The following MAML2 variants were observed in gnomAD, a reference collection of about 807,000 sequenced individuals.
MAML2 encodes the protein mastermind like transcriptional coactivator 2.
In MAML2, 22 loss-of-function variants were observed where a neutral mutation model predicts 96.1. That is an observed-to-expected ratio of 0.23 (90% confidence interval 0.16 to 0.33). The LOEUF (loss-of-function observed/expected upper bound fraction) is 0.33, where lower values mean the gene tolerates loss of function less well. MAML2 is among the 10% of genes least tolerant of loss of function. The pLI is 1.00. For missense variants in MAML2, 1,367 were observed against 1,392.4 expected, an observed-to-expected ratio of 0.98 and a Z score of 0.29; for synonymous variants, 561 against 521.3, an observed-to-expected ratio of 1.08 and a Z score of -1.04.
At chr11:96,162,651 C>T (rs1471786132) in intron 1 of MAML2, among the ~76,000 whole-genome samples, 16 of 144,792 alleles carry the variant, frequency 1.1e-4, no homozygotes, top group Admixed American at 1.0e-3. Flanking sequence ...GTGGAGGTTT[C>T]GGTGAGCCGA....
chr11:96,093,575 C>T (rs1357218127), intron 1 of MAML2, 58 bp from the exon 2 acceptor site: 2 of 1,219,672 alleles, frequency 1.6e-6, no homozygotes, highest in Non-Finnish European at 2.3e-6. Flanking sequence ...AATGATGCTT[C>T]TCATAAAAAG....
At chr11:96,162,591 A>G (rs994305730) in intron 1 of MAML2, among the ~76,000 whole-genome samples, 1 of 151,900 alleles carries the variant, frequency 6.6e-6, no homozygotes, top group South Asian at 2.1e-4. Flanking sequence ...CATGCCGGTA[A>G]TCCCAGCTAC....
intron 1 of MAML2, among the ~76,000 whole-genome samples, chr11:96,202,070 G>A (rs536317378): frequency 2.1e-4 from 30 of 145,898 alleles, no homozygotes; most frequent in Admixed American, 1.8e-3. Flanking sequence ...ATGGTGGCTC[G>A]CGCCTGTAAT....
rs530989512 is a variant in MAML2 at position 96,187,792 on chromosome 11, C to CAG, written c.514-94276_514-94275insCT. 7.8e-5 allele frequency among the ~76,000 whole-genome samples: 10 copies of CAG among 128,582 alleles called. 1 individual carries two copies. The highest frequency in any genetic ancestry group is 1.7e-4 in the Non-Finnish European group (10 of 60,112). The allele number at this position is 128,582 out of a possible 152,430, so 84.4% of individuals were successfully genotyped here. ...CTGGCGACAGAGTGAAACTCTGTCT[C>CAG]AAAAAAAAAAAAAAAGTTTTAAATA... On this transcript the variant is annotated intron_variant, in intron 1 of 4. Transcript: ENST00000524717.
intron 1 of MAML2, among the ~76,000 whole-genome samples, chr11:96,139,189 C>A (rs183444955): frequency 2.0e-5 from 3 of 152,194 alleles, no homozygotes; most frequent in East Asian, 3.9e-4. Flanking sequence ...TATCACTCAC[C>A]ACTGAAAAAA....
intron 1 of MAML2, among the ~76,000 whole-genome samples, chr11:96,120,910 C>G (rs1860328834): frequency 6.6e-6 from 1 of 152,108 alleles, no homozygotes; most frequent in Non-Finnish European, 1.5e-5. Context: ...CTCATGTTTC[C>G]TTAGTTCTTG....
At chr11:96,137,535 A>T (rs1004331140) in intron 1 of MAML2, among the ~76,000 whole-genome samples, 1 of 152,242 alleles carries the variant, frequency 6.6e-6, no homozygotes, top group Admixed American at 6.5e-5. Context: ...GGAGCCAGAA[A>T]GAGTTTCCTC....
At chr11:96,236,924 A>G (rs911415903) in intron 1 of MAML2, among the ~76,000 whole-genome samples, 4 of 152,202 alleles carry the variant, frequency 2.6e-5, no homozygotes, top group African/African-American at 9.6e-5. Context: ...AGTGAGTGCC[A>G]TCTATCATTT....
chr11:96,121,306 T>C (rs902053177), intron 1 of MAML2, among the ~76,000 whole-genome samples: 1 of 152,140 alleles, frequency 6.6e-6, no homozygotes, highest in African/African-American at 2.4e-5. Context: ...TTACAGTATA[T>C]TTCCACTGAG....
At chr11:96,326,393 A>ATG (rs369718997) in intron 1 of MAML2, among the ~76,000 whole-genome samples, 57 of 146,898 alleles carry the variant, frequency 3.9e-4, no homozygotes, top group Admixed American at 2.0e-3. Flanking sequence ...GTGTGCATGT[A>ATG]TGTGTGTGTG....
At chr11:96,082,528 C>T (rs1267933783) in intron 2 of MAML2, among the ~76,000 whole-genome samples, 4 of 152,114 alleles carry the variant, frequency 2.6e-5, no homozygotes, top group Non-Finnish European at 4.4e-5. Context: ...AGGGATCAGA[C>T]AGTGGTAGGG....
At chr11:96,076,523 G>A (rs1859442051) in intron 2 of MAML2, among the ~76,000 whole-genome samples, 2 of 151,276 alleles carry the variant, frequency 1.3e-5, no homozygotes, top group Admixed American at 1.3e-4. Flanking sequence ...TCCTCCACTC[G>A]GATGGGCTGT....
At chr11:96,000,063 G>A (rs1269342323) in intron 2 of MAML2, among the ~76,000 whole-genome samples, 1 of 152,144 alleles carries the variant, frequency 6.6e-6, no homozygotes, top group Non-Finnish European at 1.5e-5. Context: ...AAGCTGGCAG[G>A]CCCACTTGCT....
intron 1 of MAML2, among the ~76,000 whole-genome samples, chr11:96,176,349 T>A (rs1861388540): frequency 2.0e-5 from 3 of 152,244 alleles, no homozygotes; most frequent in African/African-American, 7.2e-5. Context: ...ATGCTTACTG[T>A]AATATGCTAG....
chr11:96,332,067 G>C (rs1863861738), intron 1 of MAML2, among the ~76,000 whole-genome samples: 1 of 152,208 alleles, frequency 6.6e-6, no homozygotes, highest in Non-Finnish European at 1.5e-5. Context: ...TGAGCAATCA[G>C]AACTCCTTCC....
At chr11:96,330,159 C>T (rs751218996) in intron 1 of MAML2, among the ~76,000 whole-genome samples, 4 of 152,148 alleles carry the variant, frequency 2.6e-5, no homozygotes, top group Admixed American at 1.3e-4. Flanking sequence ...AAAAATTAAT[C>T]GCTGTTTAGA....
At chr11:96,268,823 C>G (rs1862869263) in intron 1 of MAML2, among the ~76,000 whole-genome samples, 1 of 145,888 alleles carries the variant, frequency 6.9e-6, no homozygotes, top group African/African-American at 2.6e-5. Flanking sequence ...CATTTGCCTT[C>G]TGCCATAACT....
chr11:96,119,467 C>T (rs912871413), intron 1 of MAML2, among the ~76,000 whole-genome samples: 1 of 152,184 alleles, frequency 6.6e-6, no homozygotes. Flanking sequence ...AGGAAGGCAG[C>T]CCGGCCGACA....
At chr11:96,301,630 C>T (rs780220390) in intron 1 of MAML2, among the ~76,000 whole-genome samples, 1 of 152,216 alleles carries the variant, frequency 6.6e-6, no homozygotes, top group Admixed American at 6.5e-5. Context: ...AGAGTTTATA[C>T]ATACTGATTC....
Sources: gnomAD v4.1 joint callset for allele counts (sites outside exome capture counted in the v4.1 genomes callset) on GRCh38, gnomAD v4.1.1 for gene constraint, MANE v1.5 for transcripts, NCBI Gene and HGNC (gene_info 2026-07-23, HGNC 2026-07-21) for gene names.